The following ZNF407 variants were observed in gnomAD, a reference collection of about 807,000 sequenced individuals.
ZNF407 encodes zinc finger protein 407.
In ZNF407, 17 loss-of-function variants were observed where a neutral mutation model predicts 131.2. The observed-to-expected ratio is 0.13, with a 90% CI of 0.09 to 0.19. The LOEUF (loss-of-function observed/expected upper bound fraction) is 0.19, where lower values mean the gene tolerates loss of function less well. Among genes scored for constraint, ZNF407 ranks in the 10% least tolerant of loss-of-function variants. The pLI, the probability that ZNF407 is intolerant of heterozygous loss-of-function variation, is 1.00. For synonymous variants in ZNF407, 1,156 were observed against 1,062.0 expected (o/e 1.09, Z -1.72); for missense variants, 2,681 against 2,830.6 (o/e 0.95, Z 1.20).
At chr18:74,779,643 G>A (rs796599807) in intron 3 of ZNF407, among the ~76,000 whole-genome samples, 56 of 151,062 alleles carry the variant, frequency 3.7e-4, no homozygotes, top group African/African-American at 9.4e-4. Context: ...CACTCAGCAC[G>A]TTAGGACATT....
At chr18:74,890,786 A>G (rs1971373366) in intron 7 of ZNF407, among the ~76,000 whole-genome samples, 1 of 152,232 alleles carries the variant, frequency 6.6e-6, no homozygotes, top group Non-Finnish European at 1.5e-5. Flanking sequence ...ATAAAGGATT[A>G]TGTTGAGCCC....
chr18:74,709,641 T>C (rs1451731680), intron 3 of ZNF407, among the ~76,000 whole-genome samples: 1 of 152,190 alleles, frequency 6.6e-6, no homozygotes, highest in Non-Finnish European at 1.5e-5. Flanking sequence ...TGCGATAGCA[T>C]TGATTCTTAG....
At chr18:74,858,774 A>G (rs1237757062) in intron 4 of ZNF407, among the ~76,000 whole-genome samples, 1 of 152,200 alleles carries the variant, frequency 6.6e-6, no homozygotes, top group African/African-American at 2.4e-5. Flanking sequence ...ATATTAATAT[A>G]TGACCAATAA....
chr18:74,905,969 G>C (rs1285329216), intron 7 of ZNF407: 1 of 152,446 alleles, frequency 6.6e-6, no homozygotes, highest in African/African-American at 2.4e-5. Flanking sequence ...TGTATGTAGT[G>C]TAATAGTGTA....
At chr18:74,711,456 A>G (rs536139884) in intron 3 of ZNF407, among the ~76,000 whole-genome samples, 177 of 152,264 alleles carry the variant, frequency 1.2e-3, no homozygotes, top group African/African-American at 3.9e-3. Context: ...GAAGGACTTG[A>G]TTCCGCATAG....
chr18:75,054,504 A>G (rs1249961786), intron 8 of ZNF407, among the ~76,000 whole-genome samples: 1 of 152,238 alleles, frequency 6.6e-6, no homozygotes, highest in Non-Finnish European at 1.5e-5. Context: ...AAAAGGAAAA[A>G]GTTGAATCTG....
chr18:74,995,567 G>C (rs892779346), intron 8 of ZNF407, among the ~76,000 whole-genome samples: 1 of 152,160 alleles, frequency 6.6e-6, no homozygotes, highest in Non-Finnish European at 1.5e-5. Context: ...GGTCAGCTCT[G>C]TCTCACTGTG....
intron 3 of ZNF407, among the ~76,000 whole-genome samples, chr18:74,660,572 TAC>T (rs1410448809): frequency 7.2e-5 from 11 of 152,160 alleles, no homozygotes; most frequent in African/African-American, 2.7e-4. Flanking sequence ...TTCTAGAAAC[TAC>T]ACGTTAGCAG....
At chr18:74,919,995 A>G (rs771244762) in intron 7 of ZNF407, among the ~76,000 whole-genome samples, 17 of 152,254 alleles carry the variant, frequency 1.1e-4, no homozygotes, top group Non-Finnish European at 1.6e-4. Flanking sequence ...CGGGATTCAC[A>G]TGTTGCCCAA....
chr18:74,945,069 T>C (rs542966028), intron 8 of ZNF407, among the ~76,000 whole-genome samples: 39 of 152,310 alleles, frequency 2.6e-4, no homozygotes, highest in African/African-American at 8.9e-4. Flanking sequence ...TAGTTGCCTA[T>C]TTCCAGTAGT....
chr18:74,877,107 C>T (rs953540439), intron 4 of ZNF407, 90 bp from the exon 5 acceptor site: 29 of 1,135,486 alleles, frequency 2.6e-5, no homozygotes, highest in Non-Finnish European at 3.4e-5. Context: ...GCGTGTGCAC[C>T]GCACCTCAGG....
intron 3 of ZNF407, among the ~76,000 whole-genome samples, chr18:74,722,728 C>A (rs1237384995): frequency 6.6e-6 from 1 of 152,136 alleles, no homozygotes; most frequent in African/African-American, 2.4e-5. Flanking sequence ...AGATAAAGTG[C>A]TTTTCAATTT....
chr18:74,623,299 T>C (rs1983637499), intron 1 of ZNF407, among the ~76,000 whole-genome samples: 1 of 150,174 alleles, frequency 6.7e-6, no homozygotes, highest in Admixed American at 6.7e-5. Flanking sequence ...TGAGTGCAAG[T>C]GTGAGTGCGT....
At chr18:74,847,424 G>A (rs774328847) in intron 4 of ZNF407, among the ~76,000 whole-genome samples, 3 of 152,074 alleles carry the variant, frequency 2.0e-5, no homozygotes, top group East Asian at 1.9e-4. Context: ...AACTGTTATC[G>A]TTGAATTATT....
chr18:74,647,549 C>T (rs978671323), intron 3 of ZNF407, among the ~76,000 whole-genome samples: 3 of 152,100 alleles, frequency 2.0e-5, no homozygotes, highest in African/African-American at 7.2e-5. Flanking sequence ...TTGCCTGTTC[C>T]GTATTTTTTT....
chr18:74,811,887 A>G (rs1485679177), intron 4 of ZNF407, among the ~76,000 whole-genome samples: 41 of 136,178 alleles, frequency 3.0e-4, no homozygotes, highest in African/African-American at 1.1e-3. Context: ...GGTAAGGGGA[A>G]GGGGGAGGGG....
At chr18:74,888,932 T>C (rs912295956) in intron 6 of ZNF407, among the ~76,000 whole-genome samples, 4 of 152,176 alleles carry the variant, frequency 2.6e-5, no homozygotes, top group Admixed American at 2.6e-4. Context: ...CACACACACA[T>C]AGGCAGGCAT....
chr18:74,858,243 A>G (rs1270427595), intron 4 of ZNF407, among the ~76,000 whole-genome samples: 1 of 150,274 alleles, frequency 6.7e-6, no homozygotes, highest in East Asian at 2.0e-4. Flanking sequence ...ATGTCCACGT[A>G]TTAACACCCC....
chr18:74,909,831 T>C (rs1971645387), intron 7 of ZNF407, among the ~76,000 whole-genome samples: 1 of 152,228 alleles, frequency 6.6e-6, no homozygotes, highest in African/African-American at 2.4e-5. Context: ...CAAGTCTATC[T>C]ATGTTTGACT....
Sources: gnomAD v4.1 joint callset for allele counts (sites outside exome capture counted in the v4.1 genomes callset) on GRCh38, gnomAD v4.1.1 for gene constraint, MANE v1.5 for transcripts, NCBI Gene and HGNC (gene_info 2026-07-23, HGNC 2026-07-21) for gene names.